The following CEP112 variants were observed in gnomAD, a reference collection of about 807,000 sequenced individuals.
CEP112 encodes centrosomal protein of 112 kDa.
In CEP112, 127 loss-of-function variants were observed where a neutral mutation model predicts 153.0. That is an observed-to-expected ratio of 0.83 (90% CI 0.72 to 0.96). The LOEUF (loss-of-function observed/expected upper bound fraction) is 0.96, where lower values mean the gene tolerates loss of function less well. Ranked by LOEUF, CEP112 falls within the 40% of genes least tolerant of loss-of-function variation. CEP112 has a pLI of 0.00. For missense variants in CEP112, 1,089 were observed against 1,101.2 expected, an observed-to-expected ratio of 0.99 and a Z score of 0.16; for synonymous variants, 358 against 374.4, an observed-to-expected ratio of 0.96 and a Z score of 0.51.
chr17:65,739,015 T>C (rs1255595860), intron 23 of CEP112, among the ~76,000 whole-genome samples: 1 of 152,248 alleles, frequency 6.6e-6, no homozygotes, highest in Non-Finnish European at 1.5e-5. Flanking sequence ...TGACTCTTCC[T>C]AGGGCAGGGC....
rs534566208 is a variant in CEP112 at position 65,741,786 on chromosome 17, A to C, written c.2607+1282T>G. Among the ~76,000 whole-genome samples the C allele has an allele frequency of 3.3e-5, 5 of 152,188 alleles. No individual in the cohort carries two copies. In the South Asian group the frequency reaches 8.3e-4, roughly 25 times the overall value. Reference sequence around the variant, plus strand: ...TTAATATTTAAATTTTATAGAACTAAAACAATTTAAACAAAATATGCAATG... The same window carrying C: ...TTAATATTTAAATTTTATAGAACTACAACAATTTAAACAAAATATGCAATG... On this transcript the variant is annotated intron_variant, in intron 23 of 26. Coordinates refer to ENST00000535342, the MANE Select transcript of CEP112 (RefSeq NM_001199165.4).
Position 65,839,289 on chromosome 17 carries a change from A to G in CEP112, c.2394+12515T>C, listed in dbSNP as rs546433937. On this transcript the variant is annotated intron_variant, in intron 21 of 26. Transcript: ENST00000535342. ...ATACTAGCAAACTGAATTCAGCAAC[A>G]CATTAAAAAGATCATTCATCATGAT... 1.6e-4 allele frequency among the ~76,000 whole-genome samples: 25 copies of G among 152,260 alleles called. 1 individual carries two copies. The highest frequency in any genetic ancestry group is 1.6e-3 in the Admixed American group (25 of 15,290).
At chr17:65,690,888 G>T (rs1453836267) in intron 23 of CEP112, among the ~76,000 whole-genome samples, 1 of 152,160 alleles carries the variant, frequency 6.6e-6, no homozygotes, top group Non-Finnish European at 1.5e-5. Context: ...TTGCTGGGGG[G>T]TGGGGAGCAG....
chr17:65,921,185 C>T (rs953165574), intron 19 of CEP112, among the ~76,000 whole-genome samples: 3 of 152,028 alleles, frequency 2.0e-5, no homozygotes, highest in Admixed American at 2.0e-4. Context: ...ATGTAGGCAC[C>T]GTCAGACGGC....
intron 21 of CEP112, among the ~76,000 whole-genome samples, chr17:65,844,910 A>T (rs1791851164): frequency 1.3e-5 from 2 of 151,064 alleles, no homozygotes; most frequent in Admixed American, 1.3e-4. Flanking sequence ...GCTACTAGGG[A>T]GGCTGAGGAG....
intron 23 of CEP112, among the ~76,000 whole-genome samples, chr17:65,703,860 C>T (rs2048768243): frequency 6.6e-6 from 1 of 150,870 alleles, no homozygotes; most frequent in South Asian, 2.1e-4. Flanking sequence ...ACAGATTCAA[C>T]AGTCATAATG....
chr17:65,843,016 A>G (rs2057580363), intron 21 of CEP112, among the ~76,000 whole-genome samples: 1 of 152,134 alleles, frequency 6.6e-6, no homozygotes, highest in Non-Finnish European at 1.5e-5. Flanking sequence ...CCGAATCTAA[A>G]AAGTTGAAAT....
At chr17:65,945,890 G>A in intron 18 of CEP112, among the ~76,000 whole-genome samples, 1 of 152,134 alleles carries the variant, frequency 6.6e-6, no homozygotes, top group East Asian at 1.9e-4. Flanking sequence ...CAGGTGATCT[G>A]CCTGCCTCGG....
chr17:65,676,591 A>G (rs2047244296), intron 24 of CEP112, among the ~76,000 whole-genome samples: 1 of 152,222 alleles, frequency 6.6e-6, no homozygotes, highest in African/African-American at 2.4e-5. Context: ...TCACAAGGGC[A>G]AAGATTTTCA....
intron 26 of CEP112, chr17:65,636,612 C>CTT (rs2044784372): frequency 6.7e-6 from 1 of 150,032 alleles, no homozygotes; most frequent in African/African-American, 2.7e-5. Context: ...TTTTCTTTTT[C>CTT]TTTTGTTTTT....
In CEP112 at chr17:65,803,578, G is replaced by T. The variant is rs550693417; in HGVS notation, c.2394+48226C>A. Among the ~76,000 whole-genome samples, 14 of 152,218 alleles carry T rather than the reference G, an allele frequency of 9.2e-5. No individual in the cohort carries two copies. In the South Asian group the frequency reaches 2.9e-3, roughly 32 times the overall value. On this transcript the variant is annotated intron_variant, in intron 21 of 26. Transcript: ENST00000535342. ...GAAGTCCTTTCTCCAAATACCTTAG[G>T]TGTTACATTATTTTCTCAAAATATA...
intron 17 of CEP112, among the ~76,000 whole-genome samples, chr17:65,991,127 G>C (rs754696989): frequency 6.6e-6 from 1 of 152,072 alleles, no homozygotes; most frequent in Admixed American, 6.6e-5. Context: ...TTCTCTTTTG[G>C]ATTACCCTAG....
intron 8 of CEP112, among the ~76,000 whole-genome samples, chr17:66,088,811 G>A (rs8066422): frequency 0.95 from 143,985 of 152,216 alleles, 68,192 homozygotes; most frequent in East Asian, 0.98. Context: ...CTACAGAATC[G>A]TGACCCAGGC....
At chr17:65,791,054 A>G (rs2054566201) in intron 21 of CEP112, among the ~76,000 whole-genome samples, 1 of 147,480 alleles carries the variant, frequency 6.8e-6, no homozygotes, top group African/African-American at 2.5e-5. Flanking sequence ...GGGAGGCTTA[A>G]TCTTCATATG....
At chr17:66,047,326 A>C (rs2066254257) in intron 12 of CEP112, among the ~76,000 whole-genome samples, 1 of 152,174 alleles carries the variant, frequency 6.6e-6, no homozygotes, top group African/African-American at 2.4e-5. Flanking sequence ...CATGTTGGCC[A>C]GGCTGGTCTC....
At chr17:65,767,750 T>C (rs1388310097) in intron 21 of CEP112, among the ~76,000 whole-genome samples, 3 of 152,078 alleles carry the variant, frequency 2.0e-5, no homozygotes, top group African/African-American at 7.2e-5. Flanking sequence ...TTAACAATTA[T>C]ATGTCAACAT....
chr17:66,171,510 T>A (rs1378820111), intron 4 of CEP112, among the ~76,000 whole-genome samples: 4 of 152,164 alleles, frequency 2.6e-5, no homozygotes, highest in Non-Finnish European at 5.9e-5. Context: ...AAGTCAAGAT[T>A]AGCAGATACT....
intron 17 of CEP112, among the ~76,000 whole-genome samples, chr17:65,998,419 A>T (rs1405265764): frequency 6.7e-6 from 1 of 149,530 alleles, no homozygotes; most frequent in African/African-American, 2.5e-5. Context: ...AATGTTCTAA[A>T]ATTGAACTGT....
intron 24 of CEP112, among the ~76,000 whole-genome samples, chr17:65,686,812 T>A (rs1313244811): frequency 1.3e-5 from 2 of 152,354 alleles, no homozygotes; most frequent in East Asian, 3.9e-4. Context: ...GAATACAATG[T>A]CTGTTTGCCT....
Sources: allele counts gnomAD v4.1 joint callset (sites outside exome capture counted in the v4.1 genomes callset), GRCh38; gene constraint gnomAD v4.1.1; transcripts MANE v1.5; gene names NCBI Gene and HGNC (gene_info 2026-07-23, HGNC 2026-07-21).